GREB1: variants seen among roughly 807,000 people sequenced by gnomAD.
GREB1 encodes the protein protein GREB1.
A neutral mutation model predicts 200.7 loss-of-function variants in GREB1; 106 were observed. The observed-to-expected ratio is 0.53, with a 90% CI of 0.45 to 0.62. The LOEUF (loss-of-function observed/expected upper bound fraction) is 0.62, where lower values mean the gene tolerates loss of function less well. GREB1 is among the 20% of genes least tolerant of loss of function. GREB1 has a pLI of 0.00. For synonymous variants in GREB1, 1,132 were observed against 1,092.4 expected, an observed-to-expected ratio of 1.04 and a Z score of -0.72; for missense variants, 2,243 against 2,556.8, an observed-to-expected ratio of 0.88 and a Z score of 2.65.
At chr2:11,566,295 G>A (rs1677642102) in intron 3 of GREB1, among the ~76,000 whole-genome samples, 185 bp from the exon 4 acceptor site, 1 of 152,188 alleles carries the variant, frequency 6.6e-6, no homozygotes. Context: ...GGGATTACAG[G>A]CGTGAGCTAC....
chr2:11,521,957 C>T (rs2148473736), intron 1 of GREB1, among the ~76,000 whole-genome samples: 1 of 152,308 alleles, frequency 6.6e-6, no homozygotes, highest in African/African-American at 2.4e-5. Context: ...ACGTTGTGAT[C>T]TCTGCTTTTC....
At chr2:11,577,101 C>T (rs1191963739) in intron 5 of GREB1, among the ~76,000 whole-genome samples, 2 of 152,130 alleles carry the variant, frequency 1.3e-5, no homozygotes, top group African/African-American at 4.8e-5. Flanking sequence ...TGCATTACCT[C>T]CTATGGCAAG....
At chr2:11,546,131 C>T (rs894268452) in intron 1 of GREB1, among the ~76,000 whole-genome samples, 6 of 151,998 alleles carry the variant, frequency 3.9e-5, no homozygotes, top group African/African-American at 1.4e-4. Flanking sequence ...GAGCTGAGAT[C>T]GTGCCACTGA....
chr2:11,502,522 G>A (rs1046634165), intron 1 of GREB1, among the ~76,000 whole-genome samples: 6 of 151,694 alleles, frequency 4.0e-5, no homozygotes, highest in African/African-American at 1.2e-4. Context: ...GTGTCTGGCC[G>A]GATTTCTTCT....
intron 1 of GREB1, among the ~76,000 whole-genome samples, chr2:11,527,265 A>G (rs189376269): frequency 4.5e-4 from 68 of 152,356 alleles, no homozygotes; most frequent in Admixed American, 3.9e-3. Flanking sequence ...GCTACTAGTC[A>G]TATTATTAGA....
At chr2:11,502,010 G>A (rs1201126247) in intron 1 of GREB1, among the ~76,000 whole-genome samples, 1 of 138,132 alleles carries the variant, frequency 7.2e-6, no homozygotes, top group Non-Finnish European at 1.5e-5. Flanking sequence ...TCCACCTCCC[G>A]GGTTCAAGCG....
chr2:11,596,177 T>C lies in GREB1; in HGVS notation c.1892T>C (p.Leu631Pro). The C allele has an allele frequency of 6.2e-7, 1 of 1,613,678 alleles. No individual in the cohort carries two copies. The highest frequency in any genetic ancestry group is 1.3e-5 in the African/African-American group (1 of 75,030). The change falls in exon 13 of 33, where the codon CTC becomes CCC. Residue 631 changes from leucine (L) to proline (P), a missense_variant. Coordinates refer to ENST00000381486, the MANE Select transcript of GREB1 (RefSeq NM_014668.4). ...AATCAAGGCCATATTTCTTCCTCAC[T>C]CGCTGCCTCTTCTGTCACTAAAGCA... ...QENQGHISSSLAASSVTKAAS... is the reference protein window; with the variant it reads ...QENQGHISSSPAASSVTKAAS...
intron 4 of GREB1, among the ~76,000 whole-genome samples, chr2:11,573,181 C>T (rs1435143229): frequency 6.6e-6 from 1 of 152,166 alleles, no homozygotes; most frequent in African/African-American, 2.4e-5. Flanking sequence ...ATGTAGTTGT[C>T]CTCTCAGCAG....
At chr2:11,538,189 G>T (rs1430443005) in intron 1 of GREB1, among the ~76,000 whole-genome samples, 1 of 152,310 alleles carries the variant, frequency 6.6e-6, no homozygotes, top group East Asian at 1.9e-4. Context: ...CGATGAAGGT[G>T]CAGGGATGGG....
At chr2:11,618,981 G>A in intron 22 of GREB1, 62 bp downstream of exon 22, 1 of 1,392,430 alleles carries the variant, frequency 7.2e-7, no homozygotes, top group Non-Finnish European at 9.5e-7. Flanking sequence ...ACTCCCATCT[G>A]GAGGGCAGGC....
chr2:11,544,399 G>A (rs1383597784), intron 1 of GREB1, among the ~76,000 whole-genome samples: 1 of 151,966 alleles, frequency 6.6e-6, no homozygotes, highest in African/African-American at 2.4e-5. Context: ...TGTATTTTTT[G>A]TAGAGGCAGG....
intron 7 of GREB1, among the ~76,000 whole-genome samples, chr2:11,581,556 C>G (rs1289699814): frequency 6.6e-6 from 1 of 152,224 alleles, no homozygotes. Flanking sequence ...AGACCTCCTG[C>G]CAGAGGAGGG....
chr2:11,511,717 C>T (rs1673357643), intron 1 of GREB1, among the ~76,000 whole-genome samples: 1 of 152,144 alleles, frequency 6.6e-6, no homozygotes, highest in Non-Finnish European at 1.5e-5. Flanking sequence ...AATGGGGTTC[C>T]TCTGTACTGC....
At chr2:11,576,804 G>A (rs1284137922) in intron 5 of GREB1, among the ~76,000 whole-genome samples, 1 of 152,162 alleles carries the variant, frequency 6.6e-6, no homozygotes, top group Non-Finnish European at 1.5e-5. Context: ...GGGAGGCTGA[G>A]GTGAGGGGAT....
At position 11,493,999 on chromosome 2, in the gene GREB1, C is replaced by T. The variant is rs561494035; in HGVS notation, c.-159+11618C>T. Among the ~76,000 whole-genome samples, 34 of 152,292 alleles carry T rather than the reference C, an allele frequency of 2.2e-4. No homozygotes were observed. In the South Asian group the frequency reaches 6.0e-3, roughly 27 times the overall value. On this transcript the variant is annotated intron_variant, in intron 1 of 2. Transcript: ENST00000628795. The surrounding 1 kb of genome is among the most constrained non-coding windows in gnomAD (Gnocchi z 4.6). Reference sequence around the variant, plus strand: ...AAATGAACAGTTGCTGACCTTTTCCCGAGTCCAGGTACCTTACACAGGCTG... The same window carrying T: ...AAATGAACAGTTGCTGACCTTTTCCTGAGTCCAGGTACCTTACACAGGCTG...
At chr2:11,589,802 G>T (rs1467272450) in intron 10 of GREB1, among the ~76,000 whole-genome samples, 2 of 152,200 alleles carry the variant, frequency 1.3e-5, no homozygotes, top group Non-Finnish European at 2.9e-5. Flanking sequence ...TGCCTTTGAA[G>T]GGGGTGGGAG....
chr2:11,508,906 G>A (rs1311136818), intron 1 of GREB1, among the ~76,000 whole-genome samples: 2 of 135,512 alleles, frequency 1.5e-5, no homozygotes, highest in Non-Finnish European at 3.0e-5. Flanking sequence ...ACAGAGTCTC[G>A]CTCTGTCGCC....
chr2:11,566,849 A>G (rs1451469891), intron 4 of GREB1, among the ~76,000 whole-genome samples, 193 bp downstream of exon 4: 2 of 152,186 alleles, frequency 1.3e-5, no homozygotes, highest in African/African-American at 4.8e-5. Context: ...CATTTACAGT[A>G]TGACTGCATC....
At chr2:11,586,950 CG>C (rs1475750685) in intron 9 of GREB1, among the ~76,000 whole-genome samples, 1 of 152,100 alleles carries the variant, frequency 6.6e-6, no homozygotes, top group East Asian at 1.9e-4. Flanking sequence ...GTGGTAGGCC[CG>C]AAGACCACGG....
Sources: gnomAD v4.1 joint callset for allele counts (sites outside exome capture counted in the v4.1 genomes callset) on GRCh38, gnomAD v4.1.1 for gene constraint, Gnocchi (gnomAD v3.1) non-coding constraint, MANE v1.5 for transcripts, NCBI Gene and HGNC (gene_info 2026-07-23, HGNC 2026-07-21) for gene names.